The following BNC2 variants were observed in gnomAD, a reference collection of about 807,000 sequenced individuals.
BNC2 encodes the protein zinc finger protein basonuclin-2.
Under a neutral mutation model 76.3 loss-of-function variants are expected in BNC2, and 20 were observed. That is an observed-to-expected ratio of 0.26 (90% CI 0.18 to 0.38). The LOEUF is 0.38. BNC2 is among the 10% of genes least tolerant of loss of function. The probability of loss-of-function intolerance (pLI) is 1.00; values close to 1 mark genes in which losing one functional copy is unlikely to be tolerated. For synonymous variants in BNC2, 582 were observed against 514.8 expected, an observed-to-expected ratio of 1.13 and a Z score of -1.77; for missense variants, 1,382 against 1,399.8, an observed-to-expected ratio of 0.99 and a Z score of 0.20.
At chr9:16,678,648 C>CTTT (rs79994792) in intron 3 of BNC2, among the ~76,000 whole-genome samples, 2,158 of 135,112 alleles carry the variant, frequency 0.016, 26 homozygotes, top group African/African-American at 0.05. Context: ...GTAACAGTCT[C>CTTT]TTTTTTTTTT....
rs1821038115 is a variant in BNC2, at chr9:16,437,277, G to A, written c.917C>T (p.Pro306Leu). The part of the protein sequence containing the change: ...SLLAHLENSN[P>L]SSIHHFENIP... ...GTTTTCGAAGTGATGAATGCTGGAA[G>A]GATTGCTGTTCTCTAAGTGAGCAAG... The change falls in exon 6 of 7, where the codon CCT (proline) becomes CTT (leucine). Residue 306 changes from proline (P) to leucine (L), a missense_variant. Around this residue, in one of 3 missense-constraint regions of BNC2, gnomAD observed 557 missense variants for 540.9 expected, o/e 1.03. Coordinates refer to ENST00000380672, the MANE Select transcript of BNC2 (RefSeq NM_017637.6). The A allele has an allele frequency of 5.0e-6, 8 of 1,614,038 alleles. No individual in the cohort carries two copies. Among genetic ancestry groups the A allele is most frequent in the Non-Finnish European group, 6.8e-6 (8 of 1,180,040 alleles).
At chr9:16,739,111 C>T (rs1824765465) in intron 1 of BNC2, among the ~76,000 whole-genome samples, 1 of 151,364 alleles carries the variant, frequency 6.6e-6, no homozygotes, top group African/African-American at 2.4e-5. Flanking sequence ...TACAGTTTGA[C>T]TGGAACATAA....
At chr9:16,818,798 G>C (rs1307918097) in intron 1 of BNC2, among the ~76,000 whole-genome samples, 1 of 152,084 alleles carries the variant, frequency 6.6e-6, no homozygotes, top group East Asian at 1.9e-4. Context: ...AGTAGCTGAG[G>C]TTACAGGCAC....
At chr9:16,433,537 C>A (rs1820945784) in intron 6 of BNC2, among the ~76,000 whole-genome samples, 1 of 152,138 alleles carries the variant, frequency 6.6e-6, no homozygotes, top group Admixed American at 6.5e-5. Context: ...AATCCTGATA[C>A]CTACAATAAA....
At chr9:16,504,720 G>A (rs907893208) in intron 5 of BNC2, among the ~76,000 whole-genome samples, 1 of 152,184 alleles carries the variant, frequency 6.6e-6, no homozygotes, top group Non-Finnish European at 1.5e-5. Context: ...AGTAGGACAT[G>A]CCTATAGTCC....
chr9:16,554,202 A>G (rs1188874295), intron 4 of BNC2, among the ~76,000 whole-genome samples: 1 of 152,192 alleles, frequency 6.6e-6, no homozygotes, highest in African/African-American at 2.4e-5. Flanking sequence ...AGCAACTCCT[A>G]TTTTACTACA....
intron 3 of BNC2, among the ~76,000 whole-genome samples, chr9:16,657,076 A>G (rs1821951770): frequency 6.6e-6 from 1 of 152,182 alleles, no homozygotes; most frequent in South Asian, 2.1e-4. Context: ...TTTGAAGTGG[A>G]TCAACCGAGA....
At position 16,775,834 on chromosome 9, in the gene BNC2, G is replaced by A. The variant is rs139657622; in HGVS notation, c.4-37349C>T. 880 of 154,200 alleles carry A rather than the reference G, an allele frequency of 5.7e-3. 7 individuals carry two copies. The highest frequency in any genetic ancestry group is 0.019 in the African/African-American group (783 of 41,578). 9.6% of individuals were successfully genotyped at this position (154,200 alleles called of 1,614,324 possible). On this transcript the variant is annotated intron_variant, in intron 1 of 6. Transcript: ENST00000380672. ...TTTGTCAATGTCCTCAATGAGGCTGGTGGTGCCGGGCCTCCACAAACTGTA... is the reference window on the plus strand; with the variant it reads ...TTTGTCAATGTCCTCAATGAGGCTGATGGTGCCGGGCCTCCACAAACTGTA...
At chr9:16,765,078 A>G (rs1364404784) in intron 1 of BNC2, among the ~76,000 whole-genome samples, 1 of 152,172 alleles carries the variant, frequency 6.6e-6, no homozygotes, top group African/African-American at 2.4e-5. Context: ...AGAGTCAGAC[A>G]AGGGATGAAG....
intron 5 of BNC2, among the ~76,000 whole-genome samples, chr9:16,460,232 C>G (rs896061711): frequency 6.6e-6 from 1 of 151,176 alleles, no homozygotes; most frequent in African/African-American, 2.4e-5. Flanking sequence ...CACTGGCCAT[C>G]AGGAAAAAAG....
At chr9:16,667,421 G>C (rs1244017860) in intron 3 of BNC2, among the ~76,000 whole-genome samples, 1 of 152,148 alleles carries the variant, frequency 6.6e-6, no homozygotes, top group African/African-American at 2.4e-5. Context: ...TTACTGACAA[G>C]ATAATCAACA....
At chr9:16,491,375 G>A (rs548484582) in intron 5 of BNC2, among the ~76,000 whole-genome samples, 1 of 152,320 alleles carries the variant, frequency 6.6e-6, no homozygotes, top group South Asian at 2.1e-4. Context: ...CCACTCAAAT[G>A]AAGAGGAACA....
intron 1 of BNC2, among the ~76,000 whole-genome samples, chr9:16,788,069 C>G (rs922925200): frequency 6.6e-6 from 1 of 152,138 alleles, no homozygotes; most frequent in Non-Finnish European, 1.5e-5. Context: ...AAAACTCCTT[C>G]TGGTGGAAAG....
At chr9:16,825,597 C>T (rs1030470673) in intron 1 of BNC2, among the ~76,000 whole-genome samples, 2 of 152,040 alleles carry the variant, frequency 1.3e-5, no homozygotes, top group African/African-American at 4.8e-5. Flanking sequence ...TTGTGGTGTT[C>T]TCTTAACTTT....
chr9:16,671,279 T>C (rs1229269282), intron 3 of BNC2, among the ~76,000 whole-genome samples: 2 of 151,946 alleles, frequency 1.3e-5, no homozygotes, highest in African/African-American at 4.8e-5. Context: ...CATCCTAAAA[T>C]GTATGGATAA....
intron 5 of BNC2, among the ~76,000 whole-genome samples, chr9:16,533,706 A>G (rs1285976491): frequency 6.6e-6 from 1 of 152,172 alleles, no homozygotes; most frequent in African/African-American, 2.4e-5. Context: ...CAAACATTAC[A>G]TTTTTCAACA....
At chr9:16,508,079 G>A (rs1460012027) in intron 5 of BNC2, among the ~76,000 whole-genome samples, 1 of 152,196 alleles carries the variant, frequency 6.6e-6, no homozygotes, top group Non-Finnish European at 1.5e-5. Flanking sequence ...CAAGGAATTT[G>A]AAGTCTAGTG....
chr9:16,732,335 C>A (rs1336485947), intron 2 of BNC2, among the ~76,000 whole-genome samples: 1 of 152,080 alleles, frequency 6.6e-6, no homozygotes, highest in East Asian at 1.9e-4. Context: ...TACTTAATTT[C>A]TTTAAAAGCA....
chr9:16,728,267 TCAGCCACTGCATGTCATTGGA>T, intron 2 of BNC2: 1 of 527,724 alleles, frequency 1.9e-6, no homozygotes, highest in Non-Finnish European at 3.4e-6. Flanking sequence ...CTTCAAACTC[TCAGCCACTGCATGTCATTGGA>T]TAGCAGAGCT....
Sources: allele counts gnomAD v4.1 joint callset (sites outside exome capture counted in the v4.1 genomes callset), GRCh38; gene constraint gnomAD v4.1.1; regional missense constraint gnomAD v4.1.1; transcripts MANE v1.5; gene names NCBI Gene and HGNC (gene_info 2026-07-23, HGNC 2026-07-21).